Variants in FUT8 observed in about 807,000 individuals in gnomAD.
FUT8 encodes fucosyltransferase 8.
A neutral mutation model predicts 71.3 loss-of-function variants in FUT8; 29 were observed. The observed-to-expected ratio is 0.41, with a 90% CI of 0.30 to 0.55. The LOEUF is 0.55. Among genes scored for constraint, FUT8 ranks in the 20% least tolerant of loss-of-function variants. The pLI, the probability that FUT8 is intolerant of heterozygous loss-of-function variation, is 0.34. For missense variants in FUT8, 544 were observed against 702.1 expected, an observed-to-expected ratio of 0.77 and a Z score of 2.55; for synonymous variants, 254 against 239.3, an observed-to-expected ratio of 1.06 and a Z score of -0.57.
chr14:65,410,570 G>A (rs1233554079), upstream of FUT8: 1 of 143,848 alleles, frequency 7.0e-6, no homozygotes, highest in East Asian at 2.0e-4. Context: ...ACATTCCTAG[G>A]ACAGGTTTTT....
intron 3 of FUT8, among the ~76,000 whole-genome samples, chr14:65,569,109 C>T (rs1052417446): frequency 2.6e-5 from 4 of 151,398 alleles, no homozygotes; most frequent in Admixed American, 6.6e-5. Context: ...TTTTAAGAAG[C>T]GTATCTTTCT....
chr14:65,363,692 G>C, the FUT8 span, among the ~76,000 whole-genome samples: 1 of 152,052 alleles, frequency 6.6e-6, no homozygotes, highest in Non-Finnish European at 1.5e-5. Flanking sequence ...GAACTCCCAG[G>C]CCTTGCTGTT....
rs1273009991 is a variant in FUT8, at chr14:65,412,889, C to A, written c.-651C>A. 6.4e-6 allele frequency: 1 copy of A among 157,274 alleles called. No homozygotes were observed. The highest frequency in any genetic ancestry group is 1.4e-5 in the Non-Finnish European group (1 of 71,714). The allele number at this position is 157,274 out of a possible 1,614,324, so 9.7% of individuals were successfully genotyped here. On this transcript the variant is annotated 5_prime_UTR_variant, in exon 1 of 11. Transcript: ENST00000673929. ...CCCACCCCCGCCGCCTGGCCCCAGC[C>A]GACCCGTCCCTTCGTCTCCCCGCGG...
chr14:65,494,159 G>A (rs140614709), intron 2 of FUT8, among the ~76,000 whole-genome samples: 44 of 152,138 alleles, frequency 2.9e-4, no homozygotes, highest in African/African-American at 1.0e-3. Flanking sequence ...CTTTTTGTTA[G>A]CTACATTTAA....
At chr14:65,402,866 T>C in the FUT8 span, among the ~76,000 whole-genome samples, 1 of 152,186 alleles carries the variant, frequency 6.6e-6, no homozygotes, top group East Asian at 1.9e-4. Context: ...GACCTCTATC[T>C]ATGTAGGTTT....
chr14:65,639,399 T>C (rs1890723693), intron 6 of FUT8, among the ~76,000 whole-genome samples: 1 of 152,090 alleles, frequency 6.6e-6, no homozygotes, highest in East Asian at 1.9e-4. Flanking sequence ...TACTGGGCAT[T>C]AGGTACATTG....
the FUT8 span, among the ~76,000 whole-genome samples, chr14:65,382,301 C>A: frequency 6.6e-6 from 1 of 152,118 alleles, no homozygotes; most frequent in Non-Finnish European, 1.5e-5. Flanking sequence ...TTTGAAAACC[C>A]AGATGAAATC....
chr14:65,526,669 A>G (rs1383704731), intron 2 of FUT8, among the ~76,000 whole-genome samples: 1 of 152,124 alleles, frequency 6.6e-6, no homozygotes, highest in Non-Finnish European at 1.5e-5. Context: ...GATGGTCTTT[A>G]CAATTTGGCA....
chr14:65,510,226 A>G (rs879459740), intron 2 of FUT8, among the ~76,000 whole-genome samples: 1 of 152,134 alleles, frequency 6.6e-6, no homozygotes, highest in Non-Finnish European at 1.5e-5. Context: ...GATACGATAT[A>G]TGGTGATTGA....
intron 10 of FUT8, among the ~76,000 whole-genome samples, chr14:65,739,782 T>C (rs1281639361): frequency 6.6e-6 from 1 of 152,092 alleles, no homozygotes; most frequent in South Asian, 2.1e-4. Flanking sequence ...GTTTCAAGCA[T>C]ATGCAGACTG....
intron 6 of FUT8, chr14:65,646,082 A>T (rs1258479920): frequency 6.6e-6 from 1 of 152,110 alleles, no homozygotes; most frequent in African/African-American, 2.4e-5. Flanking sequence ...AACTCATTTA[A>T]CTCATGATGG....
rs149737056 is a variant in FUT8 at position 65,426,409 on chromosome 14, C to T, written c.-326+13195C>T. The stretch of plus-strand genomic sequence containing the variant: ...GAAAAGCACACAAATTTATTCAATA[C>T]AAGTTTTATGTGGCACAGGAGCCCT... On this transcript the variant is annotated intron_variant, in intron 1 of 10. Coordinates refer to ENST00000673929, the MANE Select transcript of FUT8 (RefSeq NM_001371533.1). 2.8e-3 allele frequency among the ~76,000 whole-genome samples: 419 copies of T among 149,142 alleles called. 4 individuals carry two copies. The highest frequency in any genetic ancestry group is 9.9e-3 in the African/African-American group (399 of 40,432).
At chr14:65,629,797 C>G (rs537598268) in intron 6 of FUT8, among the ~76,000 whole-genome samples, 191 bp downstream of exon 6, 1 of 150,486 alleles carries the variant, frequency 6.6e-6, no homozygotes, top group East Asian at 2.0e-4. Flanking sequence ...AAACAAAGAC[C>G]CTGTCCTAAA....
the FUT8 span, among the ~76,000 whole-genome samples, chr14:65,369,781 A>G: frequency 2.1e-3 from 322 of 152,346 alleles, 1 homozygote; most frequent in African/African-American, 7.3e-3. This position sits in a 1 kb window ranked among gnomAD's most constrained non-coding sequence, Gnocchi z 4.6. Context: ...CAGGAAACTC[A>G]TGAATAATCT....
intron 3 of FUT8, among the ~76,000 whole-genome samples, chr14:65,615,040 T>C (rs1356729165): frequency 6.6e-6 from 1 of 152,230 alleles, no homozygotes; most frequent in Non-Finnish European, 1.5e-5. Flanking sequence ...AGCTTTTATA[T>C]TATTGACTGA....
chr14:65,633,074 A>G (rs1386856142), intron 6 of FUT8, among the ~76,000 whole-genome samples: 1 of 149,098 alleles, frequency 6.7e-6, no homozygotes, highest in East Asian at 2.1e-4. Context: ...GCTGAGCCGA[A>G]GCTGGACTGT....
chr14:65,411,692 G>T, upstream of FUT8: 1 of 268,350 alleles, frequency 3.7e-6, no homozygotes, highest in Non-Finnish European at 7.3e-6. Context: ...TGTCTTAAGG[G>T]CACCATTTCG....
intron 2 of FUT8, among the ~76,000 whole-genome samples, chr14:65,540,513 A>G (rs1029695170): frequency 1.3e-4 from 20 of 152,230 alleles, no homozygotes; most frequent in African/African-American, 4.3e-4. Context: ...CCAGGCATCT[A>G]GAGTGGTGGA....
intron 2 of FUT8, among the ~76,000 whole-genome samples, chr14:65,522,029 G>T (rs943237970): frequency 2.0e-5 from 3 of 152,116 alleles, no homozygotes; most frequent in Admixed American, 6.5e-5. Context: ...TCTTGAGTTG[G>T]CAAAGATTTT....
Sources: allele counts gnomAD v4.1 joint callset (sites outside exome capture counted in the v4.1 genomes callset), GRCh38; gene constraint gnomAD v4.1.1; non-coding constraint Gnocchi (gnomAD v3.1); transcripts MANE v1.5; gene names NCBI Gene and HGNC (gene_info 2026-07-23, HGNC 2026-07-21).